TUT4: variants seen among roughly 807,000 people sequenced by gnomAD.
TUT4 encodes terminal uridylyl transferase 4.
A neutral mutation model predicts 192.2 loss-of-function variants in TUT4; 36 were observed. The ratio of observed to expected loss-of-function variants is 0.19; its 90% CI spans 0.14 to 0.25. The LOEUF (loss-of-function observed/expected upper bound fraction) is 0.25, where lower values mean the gene tolerates loss of function less well. TUT4 is among the 10% of genes least tolerant of loss of function. TUT4 has a pLI of 1.00. For synonymous variants in TUT4, 618 were observed against 666.0 expected (o/e 0.93, Z 1.11); for missense variants, 1,493 against 1,957.2 (o/e 0.76, Z 4.47).
chr1:52,481,736 G>C (rs1038147802), intron 10 of TUT4, 68 bp downstream of exon 10: 1 of 1,533,460 alleles, frequency 6.5e-7, no homozygotes, highest in African/African-American at 1.4e-5. Flanking sequence ...TAAAATGTTT[G>C]AGCAGAGTTC....
At chr1:52,482,842 A>T (rs1668844433) in intron 9 of TUT4, among the ~76,000 whole-genome samples, 1 of 152,218 alleles carries the variant, frequency 6.6e-6, no homozygotes, top group South Asian at 2.1e-4. Flanking sequence ...TTGCCACTTC[A>T]AATAATGCTG....
intron 11 of TUT4, 43 bp downstream of exon 11, chr1:52,481,380 T>C: frequency 6.3e-7 from 1 of 1,587,626 alleles, no homozygotes; most frequent in Non-Finnish European, 8.6e-7. Flanking sequence ...TATCACAAAT[T>C]CTACAGATAG....
chr1:52,502,609 C>CTTTTTTTTTTTTT lies in TUT4; in HGVS notation c.1000-5439_1000-5427dup, dbSNP rs919559320. On this transcript the variant is annotated intron_variant, in intron 4 of 29. Transcript: ENST00000257177. ...TCATTAAGTAAGCCCTCTTAGCCCT[C>CTTTTTTTTTTTTT]TTTTTTTTTTTTTTTTTTTTTTTGA... Among the ~76,000 whole-genome samples, 12 of 82,128 alleles carry CTTTTTTTTTTTTT rather than the reference C, an allele frequency of 1.5e-4. 1 individual carries two copies. The highest frequency in any genetic ancestry group is 6.4e-4 in the African/African-American group (12 of 18,640). 53.9% of individuals were successfully genotyped at this position (82,128 alleles called of 152,430 possible). A position where few individuals can be genotyped will look rare whatever the true frequency, so the allele number is the denominator to read the frequency against.
chr1:52,497,476 T>C (rs79283210), intron 4 of TUT4, among the ~76,000 whole-genome samples: 1 of 152,174 alleles, frequency 6.6e-6, no homozygotes, highest in Admixed American at 6.5e-5. Context: ...GTACCTTAAG[T>C]ACAATACTAA....
At chr1:52,443,956 G>A (rs1656536995) in intron 24 of TUT4, among the ~76,000 whole-genome samples, 1 of 151,950 alleles carries the variant, frequency 6.6e-6, no homozygotes, top group South Asian at 2.1e-4. Context: ...AGTCAAATTA[G>A]GCCAAATGCG....
At chr1:52,505,503 C>T (rs1486688301) in intron 4 of TUT4, among the ~76,000 whole-genome samples, 1 of 145,468 alleles carries the variant, frequency 6.9e-6, no homozygotes, top group Non-Finnish European at 1.5e-5. Context: ...CTCACTGCAA[C>T]CTCTACCTCT....
intron 20 of TUT4, among the ~76,000 whole-genome samples, chr1:52,457,937 A>C (rs1451086369): frequency 6.6e-6 from 1 of 152,238 alleles, no homozygotes; most frequent in African/African-American, 2.4e-5. Context: ...AGTATACATA[A>C]GAATAAATCA....
chr1:52,514,673 A>G (rs897863494), intron 3 of TUT4: 2 of 152,228 alleles, frequency 1.3e-5, no homozygotes, highest in Non-Finnish European at 2.9e-5. Flanking sequence ...AACTATACAA[A>G]ATCATACCAT....
At chr1:52,476,849 C>T (rs189892180) in intron 12 of TUT4, among the ~76,000 whole-genome samples, 19 of 152,278 alleles carry the variant, frequency 1.2e-4, no homozygotes, top group African/African-American at 3.8e-4. Context: ...CAGACTAAAA[C>T]GGACATAAAT....
rs570301171 is a variant in TUT4, at chr1:52,539,027, G to A, written c.-93-12654C>T. On this transcript the variant is annotated intron_variant, in intron 1 of 29. Transcript: ENST00000257177. ...TTGGAGATAATTTGTACTGGGTTGCGAAGTTACAGAATCACTATTTCAATA... is the reference window on the plus strand; with the variant it reads ...TTGGAGATAATTTGTACTGGGTTGCAAAGTTACAGAATCACTATTTCAATA... Among the ~76,000 whole-genome samples, 6 of 152,224 alleles carry A rather than the reference G, an allele frequency of 3.9e-5. No homozygotes were observed. The South Asian group carries it at 6.2e-4, about 16-fold the overall frequency.
rs898957702 is a variant in TUT4 at position 52,534,623 on chromosome 1, C to T, written c.-93-8250G>A. 6.0e-5 allele frequency among the ~76,000 whole-genome samples: 9 copies of T among 149,618 alleles called. No individual in the cohort carries two copies. In the South Asian group the frequency reaches 1.1e-3, roughly 17 times the overall value. On this transcript the variant is annotated intron_variant, in intron 1 of 29. Transcript: ENST00000257177. ...ATCCCAGCACTTTGGTAGATTGAGG[C>T]GGGAGGATCATTTGAGTTCAGAAGT...
chr1:52,497,013 A>C lies in TUT4; in HGVS notation c.1170T>G (p.Phe390Leu). ...VEEMSKVITTFLPECSLRLYG... is the reference protein window; with the variant it reads ...VEEMSKVITTLLPECSLRLYG... ...TATGAAATGTATTTCTACCTGGTAA[A>C]AATGTCGTTATAACCTTTGACATTT... The change falls in exon 5 of 30, where the codon TTT (phenylalanine) becomes TTG (leucine). Residue 390 changes from phenylalanine (F) to leucine (L), a missense_variant. Transcript: ENST00000257177. 6.2e-7 allele frequency: 1 copy of C among 1,612,138 alleles called. No homozygotes were observed. Among genetic ancestry groups the C allele is most frequent in the Non-Finnish European group, 8.5e-7 (1 of 1,179,508 alleles).
At chr1:52,437,923 C>T (rs1363897128) in intron 25 of TUT4, among the ~76,000 whole-genome samples, 2 of 151,948 alleles carry the variant, frequency 1.3e-5, no homozygotes, top group African/African-American at 2.4e-5. Context: ...CCATTGCACT[C>T]CAGCCTGGGC....
At chr1:52,448,450 G>A (rs1376100197) in intron 20 of TUT4, among the ~76,000 whole-genome samples, 4 of 152,012 alleles carry the variant, frequency 2.6e-5, no homozygotes, top group African/African-American at 9.7e-5. Flanking sequence ...TTGGCTGGGC[G>A]TGGTGGTTCG....
rs1436684672 is a variant in TUT4, at chr1:52,435,463, C to A, written c.4165G>T (p.Ala1389Ser). 10 of 1,613,898 alleles carry A rather than the reference C, an allele frequency of 6.2e-6. No individual in the cohort carries two copies. Among genetic ancestry groups the A allele is most frequent in the Non-Finnish European group, 8.5e-6 (10 of 1,179,864 alleles). ...ARQRNSSVAA[A>S]QLVRNLVNAQ... ...TTTACAAGGTTGCGGACCAGCTGGG[C>A]TGCTAAGAGAAGGCATCACAAAGAA... is the stretch of plus-strand genomic sequence containing the variant. Residue 1389 changes from alanine (A) to serine (S), a missense_variant and splice_region_variant, in exon 27 of 30, where the codon GCC becomes TCC. Ala to Ser is a moderately conservative substitution (Grantham distance 99). Around this residue, in one of 7 missense-constraint regions of TUT4, gnomAD observed 351 missense variants for 397.8 expected, o/e 0.88. Coordinates refer to ENST00000257177, the MANE Select transcript of TUT4 (RefSeq NM_001009881.3).
At chr1:52,518,050 C>A (rs1206353020) in intron 2 of TUT4, among the ~76,000 whole-genome samples, 1 of 152,180 alleles carries the variant, frequency 6.6e-6, no homozygotes, top group African/African-American at 2.4e-5. Flanking sequence ...GGCAGAACGT[C>A]CTAAATTGTG....
intron 3 of TUT4, among the ~76,000 whole-genome samples, chr1:52,514,434 C>G (rs1232858852): frequency 6.6e-6 from 1 of 152,138 alleles, no homozygotes; most frequent in African/African-American, 2.4e-5. Context: ...GAGCGAGACT[C>G]TGTCTCAAAA....
chr1:52,502,168 C>A (rs946977561), intron 4 of TUT4, among the ~76,000 whole-genome samples: 1 of 150,936 alleles, frequency 6.6e-6, no homozygotes, highest in Non-Finnish European at 1.5e-5. Flanking sequence ...ACCTTCAATG[C>A]GCCGGTAAGA....
upstream of TUT4, chr1:52,553,219 G>C (rs1362895869): frequency 6.5e-6 from 1 of 152,730 alleles, no homozygotes; most frequent in Non-Finnish European, 1.5e-5. Flanking sequence ...GAGGGGAGAG[G>C]ACAGAGCCTG....
Sources: gnomAD v4.1 joint callset for allele counts (sites outside exome capture counted in the v4.1 genomes callset) on GRCh38, gnomAD v4.1.1 for gene constraint, gnomAD v4.1.1 regional missense constraint, MANE v1.5 for transcripts, NCBI Gene and HGNC (gene_info 2026-07-23, HGNC 2026-07-21) for gene names.